The following PLAGL1 variants were observed in gnomAD, a reference collection of about 807,000 sequenced individuals.
PLAGL1 encodes zinc finger protein PLAGL1.
PLAGL1 carries 1 observed loss-of-function variant against 4.6 expected under a neutral mutation model. The ratio of observed to expected loss-of-function variants is 0.22; its 90% CI spans 0.08 to 1.03. The LOEUF (loss-of-function observed/expected upper bound fraction) is 1.03, where lower values mean the gene tolerates loss of function less well. Among genes scored for constraint, PLAGL1 ranks in the 50% least tolerant of loss-of-function variants. The pLI is 0.58. For missense variants in PLAGL1, 464 were observed against 570.4 expected (o/e 0.81, Z 1.90); for synonymous variants, 240 against 237.8 (o/e 1.01, Z -0.08).
At chr6:144,043,792 G>A (rs1482161843) in intron 1 of PLAGL1, among the ~76,000 whole-genome samples, 1 of 152,160 alleles carries the variant, frequency 6.6e-6, no homozygotes, top group Non-Finnish European at 1.5e-5. Context: ...ATTTGGCTGT[G>A]AATCCGTCTG....
At chr6:143,999,771 G>A (rs1442419722) in intron 1 of PLAGL1, among the ~76,000 whole-genome samples, 3 of 152,236 alleles carry the variant, frequency 2.0e-5, no homozygotes, top group East Asian at 3.9e-4. Flanking sequence ...ACTTTCGAGT[G>A]CAAGATGATT....
intron 1 of PLAGL1, among the ~76,000 whole-genome samples, chr6:144,024,932 C>T (rs1485110583): frequency 6.6e-6 from 1 of 152,066 alleles, no homozygotes; most frequent in Non-Finnish European, 1.5e-5. Flanking sequence ...AAATCCTGTG[C>T]AGGGGAATTT....
At chr6:144,040,598 C>CA (rs1179909663) in intron 1 of PLAGL1, among the ~76,000 whole-genome samples, 1 of 151,928 alleles carries the variant, frequency 6.6e-6, no homozygotes, top group African/African-American at 2.4e-5. Flanking sequence ...AGGAGGTAGC[C>CA]AGGCACAGTG....
At chr6:144,058,904 G>T (rs1040971861) in intron 1 of PLAGL1, among the ~76,000 whole-genome samples, 1 of 152,110 alleles carries the variant, frequency 6.6e-6, no homozygotes, top group African/African-American at 2.4e-5. Flanking sequence ...TCTTTTCTAG[G>T]CAAGAGTGCA....
chr6:143,971,289 C>A lies in PLAGL1; in HGVS notation c.-543-2311G>T, dbSNP rs994189619. Among the ~76,000 whole-genome samples the A allele has an allele frequency of 1.3e-5, 2 of 152,080 alleles. No homozygotes were observed. Among genetic ancestry groups the A allele is most frequent in the Non-Finnish European group, 2.9e-5 (2 of 68,010 alleles). On this transcript the variant is annotated intron_variant, in intron 2 of 7. Coordinates refer to ENST00000674357, the MANE Select transcript of PLAGL1 (RefSeq NM_001317162.2). This position sits in a 1 kb window ranked among gnomAD's most constrained non-coding sequence, Gnocchi z 4.7. ...CTCCCGCAATTCACAAATGTGTAAA[C>A]CTCTATTTTAAATTTTACCTCTACC...
At position 143,985,297 on chromosome 6, in the gene PLAGL1, C is replaced by G. The variant is rs1282762885; in HGVS notation, c.-583-123G>C. On this transcript the variant is annotated intron_variant, in intron 1 of 7. Transcript: ENST00000674357. The surrounding 1 kb of genome is among the most constrained non-coding windows in gnomAD (Gnocchi z 4.4). The stretch of plus-strand genomic sequence containing the variant: ...AAAAGAGGCTTTACTCAGTCTCCCA[C>G]AATAGTAACATTTCACAAAACAACA... 6.6e-6 allele frequency: 1 copy of G among 152,180 alleles called. No individual in the cohort carries two copies. Among genetic ancestry groups the G allele is most frequent in the Non-Finnish European group, 1.5e-5 (1 of 68,024 alleles). The allele number at this position is 152,180 out of a possible 1,614,324, so 9.4% of individuals were successfully genotyped here.
chr6:144,044,799 G>T (rs1798004029), intron 1 of PLAGL1, among the ~76,000 whole-genome samples: 1 of 152,178 alleles, frequency 6.6e-6, no homozygotes, highest in African/African-American at 2.4e-5. Context: ...TTATTGTGTG[G>T]GAGTCTAAGT....
rs1456502110 is a variant in PLAGL1, at chr6:144,050,716, C to G, written c.-151+13752G>C. On this transcript the variant is annotated intron_variant, in intron 1 of 3. Coordinates refer to the PLAGL1 transcript ENST00000437412. This position sits in a 1 kb window ranked among gnomAD's most constrained non-coding sequence, Gnocchi z 4.3. ...ACCAACCTGGGAAACATAGTGAGAC[C>G]CTGTTTCTACAAAAAAAAATTTTTT... Among the ~76,000 whole-genome samples, 3 of 152,084 alleles carry G rather than the reference C, an allele frequency of 2.0e-5. No individual in the cohort carries two copies. Among genetic ancestry groups the G allele is most frequent in the East Asian group, 3.9e-4 (2 of 5,184 alleles).
intron 1 of PLAGL1, among the ~76,000 whole-genome samples, chr6:144,014,782 G>A (rs1391955776): frequency 3.9e-5 from 6 of 152,058 alleles, no homozygotes; most frequent in Admixed American, 1.3e-4. Flanking sequence ...GTTTTGCCAC[G>A]TTGCCCAGGC....
chr6:144,051,040 G>A (rs1262177286), intron 1 of PLAGL1, among the ~76,000 whole-genome samples: 1 of 152,120 alleles, frequency 6.6e-6, no homozygotes, highest in Non-Finnish European at 1.5e-5. Context: ...AAATAAGTCA[G>A]TACATGATAT....
At chr6:144,012,297 C>T (rs1210783663), upstream of PLAGL1, among the ~76,000 whole-genome samples, 1 of 152,112 alleles carries the variant, frequency 6.6e-6, no homozygotes, top group African/African-American at 2.4e-5. This position sits in a 1 kb window ranked among gnomAD's most constrained non-coding sequence, Gnocchi z 4.8. Flanking sequence ...TCACCGCAAC[C>T]TGCCTCCCGG....
At position 144,048,182 on chromosome 6, in the gene PLAGL1, T is replaced by C. The variant is rs1364941428; in HGVS notation, c.-151+16286A>G. 1.3e-5 allele frequency among the ~76,000 whole-genome samples: 2 copies of C among 152,228 alleles called. No individual in the cohort carries two copies. Among genetic ancestry groups the C allele is most frequent in the Non-Finnish European group, 2.9e-5 (2 of 68,038 alleles). ...ACGGTCTTGGGCAGCTCTGCCTCTG[T>C]GGCTTTGCAGGGTACGGCCTCCCTC... is the stretch of plus-strand genomic sequence containing the variant. On this transcript the variant is annotated intron_variant, in intron 1 of 3. Transcript: ENST00000437412. The surrounding 1 kb of genome is among the most constrained non-coding windows in gnomAD (Gnocchi z 4.8).
Position 143,941,835 on chromosome 6 carries a change from A to G in PLAGL1, c.981T>C (p.Asn327=). ...GAGGCAAGTCCTCAAACAAACTGATATTGCAAAAACCTTTAGTATCTGCTT... is the reference window on the plus strand; with the variant it reads ...GAGGCAAGTCCTCAAACAAACTGATGTTGCAAAAACCTTTAGTATCTGCTT... ...PLKADTKGFC[N]ISLFEDLPLQ... The change falls in exon 8 of 8, where the codon AAT becomes AAC. Residue 327 remains asparagine (N), a synonymous_variant. Coordinates refer to ENST00000674357, the MANE Select transcript of PLAGL1 (RefSeq NM_001317162.2). This position sits in a 1 kb window ranked among gnomAD's most constrained non-coding sequence, Gnocchi z 6.0. The G allele has an allele frequency of 6.2e-7, 1 of 1,614,236 alleles. No homozygotes were observed. The highest frequency in any genetic ancestry group is 8.5e-7 in the Non-Finnish European group (1 of 1,180,048).
In PLAGL1 at chr6:144,039,781, A is replaced by G. The variant is rs183326682; in HGVS notation, c.-151+24687T>C. ...TTCCATTCCTGGGTATAAATCCTAG[A>G]CATATTTATGCATATGTACACCAAG... is the stretch of plus-strand genomic sequence containing the variant. On this transcript the variant is annotated intron_variant, in intron 1 of 3. Coordinates refer to the PLAGL1 transcript ENST00000437412. This position sits in a 1 kb window ranked among gnomAD's most constrained non-coding sequence, Gnocchi z 4.1. 5.1e-4 allele frequency among the ~76,000 whole-genome samples: 77 copies of G among 152,322 alleles called. No homozygotes were observed. In the East Asian group the frequency reaches 0.013, roughly 26 times the overall value.
intron 1 of PLAGL1, among the ~76,000 whole-genome samples, chr6:144,054,679 A>AG (rs11373039): frequency 0.16 from 24,450 of 151,828 alleles, 2,710 homozygotes; most frequent in African/African-American, 0.29. Flanking sequence ...ACGGGTTGAT[A>AG]GTGCAGCAAA....
rs762476396 is a variant in PLAGL1 at position 143,952,968 on chromosome 6, T to C, written c.-324-4508A>G. On this transcript the variant is annotated intron_variant, in intron 6 of 7. Coordinates refer to ENST00000674357, the MANE Select transcript of PLAGL1 (RefSeq NM_001317162.2). This position sits in a 1 kb window ranked among gnomAD's most constrained non-coding sequence, Gnocchi z 6.1. ...TCCAGAACCTCCAGGTAGTCATGGC[T>C]GCCATGGCTGCAGACCTCACTCCCA... Among the ~76,000 whole-genome samples the C allele has an allele frequency of 1.2e-4, 18 of 152,240 alleles. No individual in the cohort carries two copies. Among genetic ancestry groups the C allele is most frequent in the Non-Finnish European group, 1.9e-4 (13 of 68,030 alleles).
intron 1 of PLAGL1, among the ~76,000 whole-genome samples, chr6:144,047,790 C>T (rs1198745130): frequency 6.6e-6 from 1 of 152,088 alleles, no homozygotes; most frequent in Non-Finnish European, 1.5e-5. Context: ...CCCCTGACAC[C>T]CCCAAATCTC....
intron 1 of PLAGL1, among the ~76,000 whole-genome samples, chr6:144,030,471 T>C (rs1040966677): frequency 6.6e-6 from 1 of 152,120 alleles, no homozygotes; most frequent in Admixed American, 6.5e-5. Flanking sequence ...CTTTACCCAA[T>C]GTGTAGTCTT....
In PLAGL1 at chr6:144,004,011, T is replaced by C. The variant is rs777240548; in HGVS notation, c.-584+4079A>G. ...ACTCAAATGTTAATCGACAAGAAAATGAATAAGTAAATTGCTCATATTATA... is the reference window on the plus strand; with the variant it reads ...ACTCAAATGTTAATCGACAAGAAAACGAATAAGTAAATTGCTCATATTATA... On this transcript the variant is annotated intron_variant, in intron 1 of 7. Coordinates refer to ENST00000674357, the MANE Select transcript of PLAGL1 (RefSeq NM_001317162.2). This position sits in a 1 kb window ranked among gnomAD's most constrained non-coding sequence, Gnocchi z 4.2. 6.6e-6 allele frequency among the ~76,000 whole-genome samples: 1 copy of C among 152,004 alleles called. No homozygotes were observed. Among genetic ancestry groups the C allele is most frequent in the Non-Finnish European group, 1.5e-5 (1 of 67,984 alleles).
Sources: allele counts gnomAD v4.1 joint callset (sites outside exome capture counted in the v4.1 genomes callset), GRCh38; gene constraint gnomAD v4.1.1; non-coding constraint Gnocchi (gnomAD v3.1); transcripts MANE v1.5; gene names NCBI Gene and HGNC (gene_info 2026-07-23, HGNC 2026-07-21).